The following GRHL1 variants were observed in gnomAD, a reference collection of about 807,000 sequenced individuals.
GRHL1 encodes grainyhead like transcription factor 1.
In GRHL1, 38 loss-of-function variants were observed where a neutral mutation model predicts 75.7. The ratio of observed to expected loss-of-function variants is 0.50; its 90% CI spans 0.39 to 0.66. The LOEUF (loss-of-function observed/expected upper bound fraction) is 0.66. Ranked by LOEUF, GRHL1 falls within the 30% of genes least tolerant of loss-of-function variation. The pLI is 0.00. For synonymous variants in GRHL1, 266 were observed against 279.4 expected, an observed-to-expected ratio of 0.95 and a Z score of 0.48; for missense variants, 589 against 767.5, an observed-to-expected ratio of 0.77 and a Z score of 2.75.
intron 8 of GRHL1, among the ~76,000 whole-genome samples, chr2:9,972,192 CTT>C (rs79565280): frequency 3.3e-4 from 44 of 134,572 alleles, no homozygotes; most frequent in Admixed American, 5.2e-4. Context: ...ATTCCTTTTT[CTT>C]TTTTTTTTTT....
intron 14 of GRHL1, among the ~76,000 whole-genome samples, chr2:9,997,783 A>G (rs1668934958): frequency 6.6e-6 from 1 of 151,570 alleles, no homozygotes; most frequent in Non-Finnish European, 1.5e-5. Flanking sequence ...AGATCCCGCC[A>G]CTGTACTCCA....
intron 14 of GRHL1, among the ~76,000 whole-genome samples, chr2:9,996,719 C>T (rs1378932336): frequency 6.6e-6 from 1 of 152,186 alleles, no homozygotes; most frequent in Admixed American, 6.5e-5. Context: ...GATTTTTAAT[C>T]AAGTACAATC....
rs776139662 is a variant in GRHL1, at chr2:9,955,034, C to G, written c.140C>G (p.Ala47Gly). 3.1e-6 allele frequency: 5 copies of G among 1,613,480 alleles called. No homozygotes were observed. The highest frequency in any genetic ancestry group is 3.4e-6 in the Non-Finnish European group (4 of 1,179,434). The change falls in exon 2 of 16, where the codon GCG (alanine) becomes GGG (glycine). Residue 47 changes from alanine (A) to glycine (G), a missense_variant. Ala to Gly is a moderately conservative substitution (Grantham distance 60, BLOSUM62 0). Coordinates refer to ENST00000324907, the MANE Select transcript of GRHL1 (RefSeq NM_198182.3). ...AACCCTCTCACTGCAGCGACCAAAG[C>G]GATGATGAGCATCAATGGAGATGAA... ...LENPLTAATK[A>G]MMSINGDEDS...
intron 9 of GRHL1, among the ~76,000 whole-genome samples, chr2:9,988,653 A>G (rs753278544): frequency 5.3e-5 from 8 of 152,132 alleles, no homozygotes; most frequent in Non-Finnish European, 8.8e-5. Context: ...CTGAGAATAC[A>G]TGAGAATTCC....
At chr2:9,982,851 C>T (rs1273471044) in intron 8 of GRHL1, among the ~76,000 whole-genome samples, 1 of 152,138 alleles carries the variant, frequency 6.6e-6, no homozygotes, top group East Asian at 1.9e-4. Context: ...ATTATTGTCA[C>T]CAGTAAAAAC....
chr2:9,984,567 T>G (rs1039487747), intron 8 of GRHL1, among the ~76,000 whole-genome samples: 1 of 152,210 alleles, frequency 6.6e-6, no homozygotes, highest in Non-Finnish European at 1.5e-5. Context: ...CAGCTTATTT[T>G]AACTTTTGAG....
Position 9,965,312 on chromosome 2 carries a change from T to G in GRHL1, c.1041T>G (p.Thr347=), listed in dbSNP as rs556635581. The change falls in exon 8 of 16, where the codon ACT becomes ACG. Residue 347 remains threonine, a synonymous_variant. Transcript: ENST00000324907. ...DIADYKESFN[T]ISNIEEIAYN... ...CTGACTATAAAGAAAGCTTCAACAC[T>G]ATCAGTAACATCGAGGAGATTGCGT... The G allele has an allele frequency of 2.5e-6, 4 of 1,608,850 alleles. No individual in the cohort carries two copies. In the East Asian group the frequency reaches 6.7e-5, roughly 27 times the overall value.
At chr2:9,993,300 G>T (rs922492250) in intron 12 of GRHL1, 56 bp downstream of exon 12, 2 of 1,418,126 alleles carry the variant, frequency 1.4e-6, no homozygotes, top group East Asian at 4.5e-5. Flanking sequence ...TTTCAAACTT[G>T]TAGAAAAACT....
intron 8 of GRHL1, among the ~76,000 whole-genome samples, chr2:9,981,572 C>G (rs2125231553): frequency 1.3e-5 from 2 of 152,308 alleles, no homozygotes; most frequent in Middle Eastern, 6.8e-3. Flanking sequence ...TCCGTGGCTG[C>G]TTTTACACTA....
At chr2:9,997,869 G>C (rs1255062487) in intron 14 of GRHL1, among the ~76,000 whole-genome samples, 1 of 151,960 alleles carries the variant, frequency 6.6e-6, no homozygotes. Context: ...TGCAAATTCT[G>C]ATTACAGGGA....
intron 8 of GRHL1, among the ~76,000 whole-genome samples, chr2:9,982,332 A>C (rs1468332004): frequency 6.9e-6 from 1 of 144,734 alleles, no homozygotes; most frequent in African/African-American, 2.5e-5. Flanking sequence ...TAGAAGACTA[A>C]TCACGTTACC....
chr2:9,988,224 T>C lies in GRHL1; in HGVS notation c.1269+1942T>C, dbSNP rs541063680. Among the ~76,000 whole-genome samples the C allele has an allele frequency of 4.1e-4, 62 of 152,328 alleles. 1 individual carries two copies. Among genetic ancestry groups the C allele is most frequent in the Non-Finnish European group, 3.4e-4 (23 of 68,026 alleles). On this transcript the variant is annotated intron_variant, in intron 9 of 15. Coordinates refer to ENST00000324907, the MANE Select transcript of GRHL1 (RefSeq NM_198182.3). ...GCTCGTTAAGATCTTATGTCTATGA[T>C]TTGCTAGGCGGATCTGGAGCTGTGC...
chr2:9,973,820 TGA>T (rs1667834695), intron 8 of GRHL1, among the ~76,000 whole-genome samples: 1 of 152,206 alleles, frequency 6.6e-6, no homozygotes, highest in African/African-American at 2.4e-5. Context: ...TGGGTTAAAA[TGA>T]TAAAGACTCC....
rs1012606458 is a variant in GRHL1 at position 10,001,898 on chromosome 2, C to G, written c.*1191C>G. ...ATCAGAGCCTTCGTGCTTTGATTAT[C>G]TTGTATGTTAACAATTCTAGAAAAC... On this transcript the variant is annotated 3_prime_UTR_variant, in exon 16 of 16. Coordinates refer to ENST00000324907, the MANE Select transcript of GRHL1 (RefSeq NM_198182.3). The G allele has an allele frequency of 9.2e-5, 14 of 152,680 alleles. No individual in the cohort carries two copies. The highest frequency in any genetic ancestry group is 9.1e-4 in the Admixed American group (14 of 15,304). The allele number at this position is 152,680 out of a possible 1,614,324, so 9.5% of individuals were successfully genotyped here. A position where few individuals can be genotyped will look rare whatever the true frequency, so the allele number is the denominator to read the frequency against.
chr2:9,989,440 T>C (rs1207294662), intron 9 of GRHL1, among the ~76,000 whole-genome samples: 1 of 152,214 alleles, frequency 6.6e-6, no homozygotes, highest in African/African-American at 2.4e-5. Flanking sequence ...TTGTTACTAA[T>C]ATGGTTCTTT....
Position 9,958,808 on chromosome 2 carries a change from C to T in GRHL1, c.230C>T (p.Ser77Leu). The change falls in exon 3 of 16, where the codon TCA becomes TTA. Residue 77 changes from serine (S) to leucine (L), a missense_variant. By Grantham distance (145) the Ser-to-Leu change is moderately radical (BLOSUM62 -2). Transcript: ENST00000324907. ...CAGGTTCCAAGAGAGAGAAGGTCAT[C>T]AACAGCAAAGCCAGAGGTGGAGCAC... ...YYKVPRERRS[S>L]TAKPEVEHPE... 1 of 1,613,618 alleles carries T rather than the reference C, an allele frequency of 6.2e-7. No individual in the cohort carries two copies. The highest frequency in any genetic ancestry group is 8.5e-7 in the Non-Finnish European group (1 of 1,179,606).
In GRHL1 at chr2:9,951,697, C is replaced by A; in HGVS notation, c.-137C>A. ...CAGCCCGCGCGGAGCCGGCTCAGAG[C>A]GAGAAAAGCAAACCCAACCCGTCGG... On this transcript the variant is annotated 5_prime_UTR_variant, in exon 1 of 16. Coordinates refer to ENST00000324907, the MANE Select transcript of GRHL1 (RefSeq NM_198182.3). The surrounding 1 kb of genome is among the most constrained non-coding windows in gnomAD (Gnocchi z 4.2). The A allele has an allele frequency of 1.3e-6, 1 of 762,650 alleles. No homozygotes were observed. The highest frequency in any genetic ancestry group is 2.0e-6 in the Non-Finnish European group (1 of 495,924). The allele number at this position is 762,650 out of a possible 1,614,324, so 47.2% of individuals were successfully genotyped here. A position where few individuals can be genotyped will look rare whatever the true frequency, so the allele number is the denominator to read the frequency against.
At chr2:10,000,453 G>A in intron 15 of GRHL1, 140 bp from the exon 16 acceptor site, 1 of 611,314 alleles carries the variant, frequency 1.6e-6, no homozygotes, top group Non-Finnish European at 3.0e-6. Flanking sequence ...TTATAGATGA[G>A]GAAGTTGAGG....
At chr2:9,993,846 G>A (rs1668746447) in intron 12 of GRHL1, among the ~76,000 whole-genome samples, 1 of 152,190 alleles carries the variant, frequency 6.6e-6, no homozygotes. Context: ...GTGTTGTCTG[G>A]GGAGGTGCAT....
Sources: allele counts gnomAD v4.1 joint callset (sites outside exome capture counted in the v4.1 genomes callset), GRCh38; gene constraint gnomAD v4.1.1; non-coding constraint Gnocchi (gnomAD v3.1); transcripts MANE v1.5; gene names NCBI Gene and HGNC (gene_info 2026-07-23, HGNC 2026-07-21).